The following PVT1 variants were observed in gnomAD, a reference collection of about 807,000 sequenced individuals.
PVT1 encodes CXCR4/PVT1 fusion.
intron 2 of PVT1, among the ~76,000 whole-genome samples, chr8:127,848,238 C>T (rs978246970): frequency 9.2e-5 from 14 of 152,152 alleles, no homozygotes; most frequent in Non-Finnish European, 5.9e-5. Flanking sequence ...ATATAAATCC[C>T]GGTTGCATAT....
chr8:127,818,118 T>C (rs2129674840), intron 2 of PVT1, among the ~76,000 whole-genome samples: 1 of 152,156 alleles, frequency 6.6e-6, no homozygotes, highest in East Asian at 1.9e-4. Flanking sequence ...GGCTGGATTG[T>C]GGCTTTCCTC....
At chr8:127,798,553 G>A (rs1379526800) in intron 2 of PVT1, among the ~76,000 whole-genome samples, 1 of 151,692 alleles carries the variant, frequency 6.6e-6, no homozygotes, top group Admixed American at 6.6e-5. Flanking sequence ...GGAGTCATGG[G>A]TAGAGGTCAG....
Position 128,081,190 on chromosome 8 carries a change from A to G in PVT1, n.1114+10829A>G, listed in dbSNP as rs183244267. On this transcript the variant is annotated intron_variant and non_coding_transcript_variant, in intron 5 of 10. Transcript: ENST00000651587. Reference sequence around the variant, plus strand: ...CTTTTCCTGCAGTATTGTGTCAGCTATTCTGGGTCTTCTGCCTCGCTATAA... The same window carrying G: ...CTTTTCCTGCAGTATTGTGTCAGCTGTTCTGGGTCTTCTGCCTCGCTATAA... Among the ~76,000 whole-genome samples, 75 of 152,316 alleles carry G rather than the reference A, an allele frequency of 4.9e-4. 1 individual carries two copies. Among genetic ancestry groups the G allele is most frequent in the African/African-American group, 1.7e-3 (71 of 41,574 alleles).
chr8:128,017,758 A>C (rs570785399), intron 4 of PVT1, among the ~76,000 whole-genome samples: 4 of 152,054 alleles, frequency 2.6e-5, no homozygotes, highest in Admixed American at 2.6e-4. Context: ...TTTAACATGA[A>C]TTAATAGGAC....
chr8:127,918,637 A>G (rs1479602956), intron 3 of PVT1, among the ~76,000 whole-genome samples: 2 of 152,184 alleles, frequency 1.3e-5, no homozygotes, highest in African/African-American at 4.8e-5. Context: ...TAGGCCCTCC[A>G]TAAAGTAAGA....
rs184571674 is a variant in PVT1, at chr8:127,900,431, T to A, written n.782+9433T>A. ...CTCCCATTCCCCATCCTTCTCTTCA[T>A]ACAAGTACCTCTCCTGAACTTGGGG... On this transcript the variant is annotated intron_variant and non_coding_transcript_variant, in intron 3 of 10. Coordinates refer to ENST00000651587, the Ensembl canonical transcript of PVT1. Among the ~76,000 whole-genome samples the A allele has an allele frequency of 5.3e-5, 8 of 152,304 alleles. No individual in the cohort carries two copies. In the East Asian group the frequency reaches 1.3e-3, roughly 26 times the overall value.
chr8:127,872,768 TG>T (rs1369812905), intron 2 of PVT1, among the ~76,000 whole-genome samples: 4 of 152,188 alleles, frequency 2.6e-5, no homozygotes, highest in African/African-American at 7.2e-5. Flanking sequence ...AGGTCTCACA[TG>T]GGGGACAGTC....
chr8:127,953,484 C>G (rs763942203), intron 3 of PVT1, among the ~76,000 whole-genome samples: 1 of 152,150 alleles, frequency 6.6e-6, no homozygotes, highest in Non-Finnish European at 1.5e-5. Flanking sequence ...ATTATAATAG[C>G]TAACATTTAT....
intron 3 of PVT1, among the ~76,000 whole-genome samples, chr8:127,916,549 C>T (rs532096302): frequency 2.0e-5 from 3 of 152,240 alleles, no homozygotes; most frequent in African/African-American, 4.8e-5. Flanking sequence ...TTGATGTGTC[C>T]GTATTCGCCA....
intron 4 of PVT1, among the ~76,000 whole-genome samples, chr8:128,060,544 G>A (rs574938069): frequency 6.6e-6 from 1 of 152,232 alleles, no homozygotes; most frequent in African/African-American, 2.4e-5. Context: ...TGGGAACAGG[G>A]CAGGGACTCC....
intron 3 of PVT1, among the ~76,000 whole-genome samples, chr8:127,895,104 T>C (rs567539730): frequency 2.0e-5 from 3 of 152,372 alleles, no homozygotes; most frequent in East Asian, 1.9e-4. Context: ...AATTATGAAA[T>C]AGTAAATATT....
chr8:127,938,995 C>T (rs1816311705), intron 3 of PVT1, among the ~76,000 whole-genome samples: 1 of 152,190 alleles, frequency 6.6e-6, no homozygotes, highest in African/African-American at 2.4e-5. Context: ...TGGGTGATAT[C>T]ACAGAAGCCT....
intron 3 of PVT1, among the ~76,000 whole-genome samples, chr8:127,928,441 A>G (rs1392937501): frequency 6.6e-6 from 1 of 152,204 alleles, no homozygotes; most frequent in Non-Finnish European, 1.5e-5. Context: ...TATACCTATC[A>G]GGATGGTCCT....
intron 5 of PVT1, among the ~76,000 whole-genome samples, chr8:128,090,271 T>A (rs1814334005): frequency 1.3e-5 from 2 of 152,242 alleles, no homozygotes; most frequent in Admixed American, 1.3e-4. Flanking sequence ...CACGCAAGAC[T>A]GTCTTTACCT....
intron 4 of PVT1, among the ~76,000 whole-genome samples, chr8:127,992,351 C>T (rs1316301181): frequency 1.3e-5 from 2 of 152,262 alleles, no homozygotes; most frequent in African/African-American, 2.4e-5. Flanking sequence ...TGCCACTGCA[C>T]TCCAGCCTGG....
intron 2 of PVT1, among the ~76,000 whole-genome samples, chr8:127,855,706 T>C (rs533718749): frequency 2.0e-5 from 3 of 152,328 alleles, no homozygotes; most frequent in South Asian, 4.1e-4. Context: ...ACCAGCGAGG[T>C]TGCTCAGGAC....
intron 2 of PVT1, among the ~76,000 whole-genome samples, chr8:127,833,339 G>A (rs1057440513): frequency 2.6e-5 from 4 of 152,312 alleles, no homozygotes; most frequent in African/African-American, 4.8e-5. Context: ...CAGTGATGGT[G>A]TCTGCAGAGA....
chr8:127,882,809 T>C (rs1276878812), intron 2 of PVT1, among the ~76,000 whole-genome samples: 4 of 152,102 alleles, frequency 2.6e-5, no homozygotes, highest in Admixed American at 2.6e-4. Context: ...TACTTCACAA[T>C]CCTGAGAGAA....
chr8:127,837,047 G>A, intron 2 of PVT1, among the ~76,000 whole-genome samples: 1 of 152,184 alleles, frequency 6.6e-6, no homozygotes, highest in Non-Finnish European at 1.5e-5. Flanking sequence ...GGGACCATAA[G>A]CCAGGCCCCC....
Sources: allele counts gnomAD v4.1 joint callset (sites outside exome capture counted in the v4.1 genomes callset), GRCh38; gene constraint gnomAD v4.1.1; transcripts MANE v1.5; gene names NCBI Gene and HGNC (gene_info 2026-07-23, HGNC 2026-07-21).